Variants in RASGRP3 observed in about 807,000 individuals in gnomAD.
RASGRP3 encodes ras guanyl-releasing protein 3.
In RASGRP3, 54 loss-of-function variants were observed where a neutral mutation model predicts 82.7. The ratio of observed to expected loss-of-function variants is 0.65; its 90% CI spans 0.52 to 0.82. The LOEUF (loss-of-function observed/expected upper bound fraction) is 0.82, where lower values mean the gene tolerates loss of function less well. Among genes scored for constraint, RASGRP3 ranks in the 40% least tolerant of loss-of-function variants. The probability of loss-of-function intolerance (pLI) is 0.00; values close to 1 mark genes in which losing one functional copy is unlikely to be tolerated. For synonymous variants in RASGRP3, 309 were observed against 300.5 expected, an observed-to-expected ratio of 1.03 and a Z score of -0.29; for missense variants, 861 against 828.9, an observed-to-expected ratio of 1.04 and a Z score of -0.48.
At chr2:33,442,043 G>A (rs1163076586) in intron 1 of RASGRP3, among the ~76,000 whole-genome samples, 1 of 152,158 alleles carries the variant, frequency 6.6e-6, no homozygotes, top group Non-Finnish European at 1.5e-5. Context: ...TTCAGTGAAT[G>A]TAAGAAGTCT....
At chr2:33,534,153 T>A (rs1673369843) in intron 10 of RASGRP3, 170 bp from the exon 11 acceptor site, 4 of 601,700 alleles carry the variant, frequency 6.6e-6, no homozygotes, top group Non-Finnish European at 8.8e-6. Context: ...ATTAACGTTT[T>A]CTCTTTTAAA....
At chr2:33,522,177 C>T in intron 7 of RASGRP3, 75 bp downstream of exon 7, 3 of 1,493,312 alleles carry the variant, frequency 2.0e-6, no homozygotes, top group Non-Finnish European at 1.8e-6. Context: ...CATTTTCATA[C>T]TCTGAAGTGT....
chr2:33,519,344 C>T (rs865793452), intron 4 of RASGRP3, among the ~76,000 whole-genome samples: 3 of 152,266 alleles, frequency 2.0e-5, no homozygotes, highest in Admixed American at 6.5e-5. Flanking sequence ...CGGCCAGGCG[C>T]GGTGGCTCAC....
intron 1 of RASGRP3, among the ~76,000 whole-genome samples, chr2:33,505,153 T>TCATCATCAC (rs1553347435): frequency 6.7e-6 from 1 of 149,934 alleles, no homozygotes; most frequent in Non-Finnish European, 1.5e-5. Flanking sequence ...ATCATCATCA[T>TCATCATCAC]CACCACCACC....
intron 1 of RASGRP3, among the ~76,000 whole-genome samples, chr2:33,483,465 C>T (rs928907089): frequency 6.7e-6 from 1 of 149,974 alleles, no homozygotes; most frequent in Non-Finnish European, 1.5e-5. Context: ...TATCTAATCC[C>T]AGAGGCATGT....
chr2:33,467,239 A>G (rs1266241043), intron 2 of RASGRP3, among the ~76,000 whole-genome samples: 1 of 152,044 alleles, frequency 6.6e-6, no homozygotes, highest in Non-Finnish European at 1.5e-5. Context: ...AGTTATTGAT[A>G]TTGGTTTGTT....
chr2:33,540,511 C>T (rs1408164212), intron 12 of RASGRP3, among the ~76,000 whole-genome samples: 3 of 143,532 alleles, frequency 2.1e-5, no homozygotes, highest in Non-Finnish European at 4.7e-5. Flanking sequence ...TTCCTCAGTC[C>T]ACATGCGGAA....
chr2:33,461,554 A>G (rs966165020), intron 2 of RASGRP3, among the ~76,000 whole-genome samples: 32 of 152,266 alleles, frequency 2.1e-4, no homozygotes, highest in African/African-American at 7.5e-4. Context: ...CTGGGATTGC[A>G]GGCGTGAGCC....
Position 33,515,088 on chromosome 2 carries a change from T to C in RASGRP3, c.-49T>C. ...GACTTGCATGATTATGGAGATGGTC[T>C]ATCTGATGCTGAAAATGTCTCTAGT... On this transcript the variant is annotated 5_prime_UTR_variant, in exon 3 of 18. Transcript: ENST00000403687. 6.4e-7 allele frequency: 1 copy of C among 1,559,858 alleles called. No individual in the cohort carries two copies. The highest frequency in any genetic ancestry group is 8.8e-7 in the Non-Finnish European group (1 of 1,130,710).
intron 7 of RASGRP3, among the ~76,000 whole-genome samples, chr2:33,522,726 G>A (rs1226483738): frequency 6.6e-6 from 1 of 152,170 alleles, no homozygotes; most frequent in East Asian, 1.9e-4. Context: ...CAATCAGCCA[G>A]CCACTTTGCT....
chr2:33,464,108 A>AT lies in RASGRP3; in HGVS notation c.-261+16166dup, dbSNP rs1488423532. ...GCAATATTCAAACTTAATAATAATA[A>AT]TAATTATTATTATTATTATTATTAT... is the stretch of plus-strand genomic sequence containing the variant. On this transcript the variant is annotated intron_variant, in intron 2 of 18. Transcript: ENST00000402538. Among the ~76,000 whole-genome samples the AT allele has an allele frequency of 1.9e-3, 271 of 144,048 alleles. 1 individual carries two copies. The highest frequency in any genetic ancestry group is 5.7e-3 in the African/African-American group (220 of 38,296). The allele number at this position is 144,048 out of a possible 152,430, so 94.5% of individuals were successfully genotyped here. A position where few individuals can be genotyped will look rare whatever the true frequency, so the allele number is the denominator to read the frequency against.
chr2:33,551,399 G>A (rs974166317), intron 14 of RASGRP3, among the ~76,000 whole-genome samples: 22 of 152,164 alleles, frequency 1.4e-4, no homozygotes, highest in Non-Finnish European at 2.8e-4. Context: ...ATTCTGATGT[G>A]GGATGGGGCC....
chr2:33,528,776 C>A (rs909367664), intron 10 of RASGRP3, among the ~76,000 whole-genome samples: 7 of 152,160 alleles, frequency 4.6e-5, no homozygotes, highest in African/African-American at 1.7e-4. Flanking sequence ...GGCCAACACA[C>A]AGAAACACAG....
intron 12 of RASGRP3, among the ~76,000 whole-genome samples, chr2:33,540,619 C>T (rs1157713187): frequency 1.6e-5 from 1 of 61,688 alleles, no homozygotes. Flanking sequence ...GGGAATTTCT[C>T]TCTCTCTCTC....
intron 1 of RASGRP3, among the ~76,000 whole-genome samples, chr2:33,498,622 C>T (rs1433786562): frequency 1.3e-5 from 2 of 152,176 alleles, no homozygotes; most frequent in Non-Finnish European, 2.9e-5. Context: ...CCTCACCATC[C>T]TCTGAGCATT....
rs1677053431 is a variant in RASGRP3 at position 33,564,678 on chromosome 2, T to C, written c.*1941T>C. The C allele has an allele frequency of 6.6e-6, 1 of 152,136 alleles. No homozygotes were observed. Among genetic ancestry groups the C allele is most frequent in the South Asian group, 2.1e-4 (1 of 4,830 alleles). The allele number at this position is 152,136 out of a possible 1,614,324, so 9.4% of individuals were successfully genotyped here. ...AAGTTTTATATTGCCAGCCTTCCTG[T>C]GATAAAGATATTAAATGTAACTTGA... On this transcript the variant is annotated 3_prime_UTR_variant, in exon 18 of 18. Transcript: ENST00000403687.
At chr2:33,523,407 G>A (rs1472596917) in intron 7 of RASGRP3, among the ~76,000 whole-genome samples, 1 of 151,508 alleles carries the variant, frequency 6.6e-6, no homozygotes, top group Non-Finnish European at 1.5e-5. Flanking sequence ...GGAGATTGCA[G>A]TGAGCCGAGA....
intron 12 of RASGRP3, among the ~76,000 whole-genome samples, chr2:33,540,627 C>CTT (rs1674208866): frequency 7.0e-6 from 1 of 142,758 alleles, no homozygotes; most frequent in African/African-American, 2.5e-5. Context: ...CTCTCTCTCT[C>CTT]TCTCTCTCTC....
chr2:33,482,690 T>C (rs981864030), intron 1 of RASGRP3: 1 of 152,218 alleles, frequency 6.6e-6, no homozygotes, highest in Non-Finnish European at 1.5e-5. Context: ...AGTTTCCCAA[T>C]ATGGCAATTC....
Sources: gnomAD v4.1 joint callset for allele counts (sites outside exome capture counted in the v4.1 genomes callset) on GRCh38, gnomAD v4.1.1 for gene constraint, MANE v1.5 for transcripts, NCBI Gene and HGNC (gene_info 2026-07-23, HGNC 2026-07-21) for gene names.